The following CDK13 variants were observed in gnomAD, a reference collection of about 807,000 sequenced individuals.
The protein encoded by CDK13 is cyclin dependent kinase 13.
CDK13 carries 40 observed loss-of-function variants against 137.6 expected under a neutral mutation model. The observed-to-expected ratio is 0.29, with a 90% confidence interval of 0.23 to 0.38. CDK13 has a LOEUF of 0.38. Ranked by LOEUF, CDK13 falls within the 10% of genes least tolerant of loss-of-function variation. The pLI is 1.00. For synonymous variants in CDK13, 869 were observed against 760.1 expected, an observed-to-expected ratio of 1.14 and a Z score of -2.36; for missense variants, 1,704 against 1,951.8, an observed-to-expected ratio of 0.87 and a Z score of 2.39.
At chr7:40,082,985 C>G (rs10951624) in intron 11 of CDK13, among the ~76,000 whole-genome samples, 35,263 of 151,458 alleles carry the variant, frequency 0.23, 7,227 homozygotes, top group African/African-American at 0.54. Flanking sequence ...CGCCTGTAAT[C>G]CCAGCTACTC....
At chr7:40,041,372 T>C (rs1785601449) in intron 5 of CDK13, among the ~76,000 whole-genome samples, 1 of 152,230 alleles carries the variant, frequency 6.6e-6, no homozygotes. Context: ...ATGTATCTAA[T>C]AGATTATTTC....
intron 1 of CDK13, among the ~76,000 whole-genome samples, chr7:39,983,401 G>A (rs1051796274): frequency 2.6e-5 from 4 of 152,154 alleles, no homozygotes; most frequent in African/African-American, 7.2e-5. Flanking sequence ...GATTACAGGC[G>A]TGAGCAACTG....
intron 11 of CDK13, among the ~76,000 whole-genome samples, chr7:40,087,729 A>G (rs112255634): frequency 6.6e-6 from 1 of 151,192 alleles, no homozygotes; most frequent in African/African-American, 2.4e-5. Flanking sequence ...TTGTATTTTT[A>G]GTAGAAACGG....
At chr7:39,987,381 A>T (rs1784361823) in intron 1 of CDK13, among the ~76,000 whole-genome samples, 1 of 152,212 alleles carries the variant, frequency 6.6e-6, no homozygotes, top group African/African-American at 2.4e-5. Flanking sequence ...ACATTTGTAG[A>T]CCAGAGCGAG....
At chr7:40,034,436 G>A (rs1041827663) in intron 5 of CDK13, among the ~76,000 whole-genome samples, 1 of 152,072 alleles carries the variant, frequency 6.6e-6, no homozygotes, top group Non-Finnish European at 1.5e-5. Context: ...ACCAGAAACC[G>A]GTCATCTGCA....
chr7:40,048,568 T>C (rs938476685), intron 7 of CDK13: 4 of 152,062 alleles, frequency 2.6e-5, no homozygotes, highest in Non-Finnish European at 5.9e-5. Context: ...TCCATATGTG[T>C]ATATATATAT....
In CDK13 at chr7:39,999,744, G is replaced by A. The variant is rs566788911; in HGVS notation, c.2182+244G>A. On this transcript the variant is annotated intron_variant, in intron 4 of 13. Coordinates refer to ENST00000181839, the MANE Select transcript of CDK13 (RefSeq NM_003718.5). The stretch of plus-strand genomic sequence containing the variant: ...GTATTTGTGATATACTGTATGGTAG[G>A]ATTTAGTTTTTCTTTCCTCTTTTAT... Among the ~76,000 whole-genome samples the A allele has an allele frequency of 2.0e-5, 3 of 152,292 alleles. No individual in the cohort carries two copies. The South Asian group carries it at 6.2e-4, about 32-fold the overall frequency.
chr7:40,036,587 A>C (rs934736365), intron 5 of CDK13, among the ~76,000 whole-genome samples: 1 of 152,166 alleles, frequency 6.6e-6, no homozygotes, highest in African/African-American at 2.4e-5. Flanking sequence ...AATTAAATTA[A>C]ATTACATTAA....
At position 40,098,814 on chromosome 7, in the gene CDK13, A is replaced by C. The variant is rs1306751937; in HGVS notation, c.*3834A>C. On this transcript the variant is annotated 3_prime_UTR_variant, in exon 14 of 14. Transcript: ENST00000181839. ...ATTAGACTATTGGACTAATGGTTTA[A>C]CACAAGTGGCTTTAAAAAGTCTGCT... The C allele has an allele frequency of 6.6e-6, 1 of 152,118 alleles. No individual in the cohort carries two copies. The highest frequency in any genetic ancestry group is 1.5e-5 in the Non-Finnish European group (1 of 67,988). The allele number at this position is 152,118 out of a possible 1,614,324, so 9.4% of individuals were successfully genotyped here. A position where few individuals can be genotyped will look rare whatever the true frequency, so the allele number is the denominator to read the frequency against.
intron 9 of CDK13, 60 bp downstream of exon 9, chr7:40,063,160 T>G: frequency 7.8e-7 from 1 of 1,279,388 alleles, no homozygotes; most frequent in South Asian, 1.2e-5. Flanking sequence ...CACAGGAAAT[T>G]TAAACTCTCC....
chr7:40,087,735 A>G (rs798861), intron 11 of CDK13, among the ~76,000 whole-genome samples: 98,645 of 151,404 alleles, frequency 0.65, 33,251 homozygotes, highest in African/African-American at 0.84. Flanking sequence ...TTTTAGTAGA[A>G]ACGGGGTTTT....
Position 40,097,008 on chromosome 7 carries a change from C to CT in CDK13, c.*2029dup, listed in dbSNP as rs1166127686. 3 of 152,162 alleles carry CT rather than the reference C, an allele frequency of 2.0e-5. No individual in the cohort carries two copies. The highest frequency in any genetic ancestry group is 1.5e-5 in the Non-Finnish European group (1 of 67,946). The allele number at this position is 152,162 out of a possible 1,614,324, so 9.4% of individuals were successfully genotyped here. ...TAGACTTTCCTATAAGTGACAGTAT[C>CT]TAAGTTATTCTTAATAGTCACACTT... On this transcript the variant is annotated 3_prime_UTR_variant, in exon 14 of 14. Coordinates refer to ENST00000181839, the MANE Select transcript of CDK13 (RefSeq NM_003718.5).
At position 40,018,577 on chromosome 7, in the gene CDK13, A is replaced by G. The variant is rs150638963; in HGVS notation, c.2353+16546A>G. On this transcript the variant is annotated intron_variant, in intron 5 of 13. Coordinates refer to ENST00000181839, the MANE Select transcript of CDK13 (RefSeq NM_003718.5). ...ATACACCATGGAATACTACTCAGCCATAAAAAAGAATGAGAGTGTCTTTTG... is the reference window on the plus strand; with the variant it reads ...ATACACCATGGAATACTACTCAGCCGTAAAAAAGAATGAGAGTGTCTTTTG... Among the ~76,000 whole-genome samples, 165 of 152,348 alleles carry G rather than the reference A, an allele frequency of 1.1e-3. 1 individual carries two copies. The highest frequency in any genetic ancestry group is 1.6e-4 in the Non-Finnish European group (11 of 68,042).
intron 7 of CDK13, among the ~76,000 whole-genome samples, chr7:40,050,791 A>G (rs1248961578): frequency 6.6e-6 from 1 of 152,210 alleles, no homozygotes; most frequent in Non-Finnish European, 1.5e-5. Context: ...ATTTCACTGT[A>G]GTTAGATTTT....
At chr7:40,058,366 T>TA (rs1416169292) in intron 7 of CDK13, among the ~76,000 whole-genome samples, 1 of 151,800 alleles carries the variant, frequency 6.6e-6, no homozygotes, top group African/African-American at 2.4e-5. Context: ...TTATGCTTAA[T>TA]AAAAAAACTG....
intron 1 of CDK13, among the ~76,000 whole-genome samples, chr7:39,977,651 G>T (rs1784138130): frequency 6.6e-6 from 1 of 152,172 alleles, no homozygotes. Flanking sequence ...CCTATATTTT[G>T]TGATGGCTGG....
chr7:39,983,155 A>C (rs542549068), intron 1 of CDK13, among the ~76,000 whole-genome samples: 28 of 152,278 alleles, frequency 1.8e-4, no homozygotes, highest in South Asian at 1.2e-3. Context: ...GGTTTTAGGT[A>C]TAACGTTTAA....
intron 11 of CDK13, among the ~76,000 whole-genome samples, chr7:40,083,883 A>G (rs1034167106): frequency 5.3e-5 from 8 of 152,168 alleles, no homozygotes; most frequent in African/African-American, 1.9e-4. Context: ...AATATCTCTC[A>G]CTATTTTGCA....
Position 40,094,354 on chromosome 7 carries a change from C to T in CDK13, c.3913C>T (p.Leu1305=). Residue 1305 remains leucine (L), a synonymous_variant, in exon 14 of 14, where the codon CTG becomes TTG. Coordinates refer to ENST00000181839, the MANE Select transcript of CDK13 (RefSeq NM_003718.5). The part of the protein sequence containing the change: ...HAGVKAALLQ[L]LAQHQPQDDP... ...CGGAGTGAAGGCAGCCCTGTTACAG[C>T]TGCTTGCTCAGCATCAGCCCCAGGA... 1.2e-6 allele frequency: 2 copies of T among 1,613,944 alleles called. No homozygotes were observed. Among genetic ancestry groups the T allele is most frequent in the Non-Finnish European group, 1.7e-6 (2 of 1,179,946 alleles).
Sources: allele counts gnomAD v4.1 joint callset (sites outside exome capture counted in the v4.1 genomes callset), GRCh38; gene constraint gnomAD v4.1.1; transcripts MANE v1.5; gene names NCBI Gene and HGNC (gene_info 2026-07-23, HGNC 2026-07-21).